FMN2: variants seen among roughly 807,000 people sequenced by gnomAD.
FMN2 encodes formin-2.
In FMN2, 51 loss-of-function variants were observed where a neutral mutation model predicts 142.3. The ratio of observed to expected loss-of-function variants is 0.36; its 90% CI spans 0.29 to 0.45. FMN2 has a LOEUF of 0.45. FMN2 is among the 20% of genes least tolerant of loss of function. The pLI, the probability that FMN2 is intolerant of heterozygous loss-of-function variation, is 1.00. For missense variants in FMN2, 1,936 were observed against 2,122.8 expected (o/e 0.91, Z 1.73); for synonymous variants, 882 against 869.8 (o/e 1.01, Z -0.25).
chr1:240,262,125 A>G (rs1668654675), intron 7 of FMN2, among the ~76,000 whole-genome samples: 1 of 151,898 alleles, frequency 6.6e-6, no homozygotes. Flanking sequence ...CATGTGCACA[A>G]CCAGTATAGT....
At position 240,332,841 on chromosome 1, in the gene FMN2, G is replaced by A. The variant is rs184061973; in HGVS notation, c.4585-1046G>A. On this transcript the variant is annotated intron_variant, in intron 11 of 17. Transcript: ENST00000319653. ...ATCACTTAGAATTTTCTCTCAGCAT[G>A]CCTAGTTTTGTTAATTGATTCAGGT... 9.3e-4 allele frequency among the ~76,000 whole-genome samples: 141 copies of A among 152,208 alleles called. 1 individual carries two copies. The highest frequency in any genetic ancestry group is 1.2e-4 in the Non-Finnish European group (8 of 68,008).
chr1:240,400,108 A>G (rs1423969059), intron 15 of FMN2, among the ~76,000 whole-genome samples: 1 of 152,204 alleles, frequency 6.6e-6, no homozygotes, highest in Non-Finnish European at 1.5e-5. Context: ...ATGGCTAAGC[A>G]ATCAGAAGTT....
chr1:240,427,534 T>C (rs1245596149), intron 15 of FMN2, among the ~76,000 whole-genome samples: 1 of 152,168 alleles, frequency 6.6e-6, no homozygotes, highest in Non-Finnish European at 1.5e-5. Flanking sequence ...TTACAGTTTG[T>C]TTTGAGCAGG....
intron 6 of FMN2, among the ~76,000 whole-genome samples, chr1:240,242,783 C>T (rs1667955067): frequency 6.6e-6 from 1 of 152,186 alleles, no homozygotes; most frequent in Non-Finnish European, 1.5e-5. Context: ...GATCCTCTGC[C>T]AAGAGGCACA....
chr1:240,349,605 C>T (rs1672024401), intron 13 of FMN2, among the ~76,000 whole-genome samples: 3 of 152,148 alleles, frequency 2.0e-5, no homozygotes, highest in Admixed American at 2.0e-4. Context: ...CACAACGTGC[C>T]ACTCTGTGGA....
chr1:240,105,764 CTGTA>C (rs1661584916), intron 1 of FMN2, among the ~76,000 whole-genome samples: 1 of 152,046 alleles, frequency 6.6e-6, no homozygotes, highest in African/African-American at 2.4e-5. Flanking sequence ...GGTATAAATA[CTGTA>C]TGATTTCCTT....
rs1159085403 is a variant in FMN2 at position 240,092,968 on chromosome 1, C to A, written c.859C>A (p.Pro287Thr). The change falls in exon 1 of 18, where the codon CCC becomes ACC. Residue 287 changes from proline (P) to threonine (T), a missense_variant. This residue lies in a region of FMN2 where 751 missense variants were observed against 791.8 expected (regional missense o/e 0.95). Coordinates refer to ENST00000319653, the MANE Select transcript of FMN2 (RefSeq NM_020066.5). ...CCTGCCCGAGAGCCTGGCCGCCGAG[C>A]CCCGGGAGCCCCAGCAACCGCCGTC... is the stretch of plus-strand genomic sequence containing the variant. ...SDLPESLAAEPREPQQPPSPG... is the reference protein window; with the variant it reads ...SDLPESLAAETREPQQPPSPG... 1.4e-6 allele frequency: 2 copies of A among 1,408,212 alleles called. No individual in the cohort carries two copies. Among genetic ancestry groups the A allele is most frequent in the Admixed American group, 3.2e-5 (1 of 31,188 alleles). The allele number at this position is 1,408,212 out of a possible 1,614,324, so 87.2% of individuals were successfully genotyped here. A position where few individuals can be genotyped will look rare whatever the true frequency, so the allele number is the denominator to read the frequency against.
At chr1:240,154,130 A>AAAAAAAAGT (rs1558324903) in intron 2 of FMN2, among the ~76,000 whole-genome samples, 6 of 75,402 alleles carry the variant, frequency 8.0e-5, no homozygotes, top group Admixed American at 1.5e-4. Flanking sequence ...AAAAAAAAAA[A>AAAAAAAAGT]AGTGTTACTA....
chr1:240,144,340 A>C (rs1013128087), intron 2 of FMN2: 1 of 1,606,378 alleles, frequency 6.2e-7, no homozygotes, highest in Non-Finnish European at 8.5e-7. Context: ...TGTAGATGTC[A>C]TCAGGCACCT....
intron 2 of FMN2, chr1:240,143,425 G>T: frequency 7.0e-7 from 1 of 1,428,200 alleles, no homozygotes; most frequent in South Asian, 1.1e-5. Context: ...CCCCAGAACA[G>T]CCACTCCCTG....
At chr1:240,102,864 A>ATT (rs112563396) in intron 1 of FMN2, among the ~76,000 whole-genome samples, 23 of 138,478 alleles carry the variant, frequency 1.7e-4, no homozygotes, top group Admixed American at 2.9e-4. Context: ...TGATCCTTTA[A>ATT]TTTTTTTTTT....
Position 240,302,106 on chromosome 1 carries a change from C to A in FMN2, c.4215+7223C>A, listed in dbSNP as rs571371369. Among the ~76,000 whole-genome samples, 72 of 151,958 alleles carry A rather than the reference C, an allele frequency of 4.7e-4. 1 individual carries two copies. In the South Asian group the frequency reaches 0.015, roughly 32 times the overall value. ...ATCATATTGTGTACTTTCACTGATT[C>A]TTTCTTTTGCTGTCTTTATTCTTTT... On this transcript the variant is annotated intron_variant, in intron 8 of 17. Transcript: ENST00000319653.
intron 6 of FMN2, among the ~76,000 whole-genome samples, chr1:240,229,539 G>A (rs1340085511): frequency 6.6e-6 from 1 of 152,178 alleles, no homozygotes; most frequent in Admixed American, 6.5e-5. Flanking sequence ...TAGTACCAAT[G>A]TACTGTTTAT....
At chr1:240,299,985 A>G (rs1310579881) in intron 8 of FMN2, among the ~76,000 whole-genome samples, 1 of 152,148 alleles carries the variant, frequency 6.6e-6, no homozygotes, top group African/African-American at 2.4e-5. Context: ...AGGCCTTCCT[A>G]CTTCCTGCAG....
At chr1:240,250,093 AT>A (rs1668226242) in intron 6 of FMN2, among the ~76,000 whole-genome samples, 1 of 152,010 alleles carries the variant, frequency 6.6e-6, no homozygotes, top group Non-Finnish European at 1.5e-5. Context: ...CTCTTGCCTG[AT>A]TTCTCTGGCT....
At chr1:240,336,183 A>C (rs1671549149) in intron 13 of FMN2, among the ~76,000 whole-genome samples, 1 of 151,992 alleles carries the variant, frequency 6.6e-6, no homozygotes, top group East Asian at 1.9e-4. Context: ...AAGAAAGAAA[A>C]AGACAAGCAG....
At chr1:240,113,011 A>T (rs1661873070) in intron 1 of FMN2, among the ~76,000 whole-genome samples, 1 of 152,236 alleles carries the variant, frequency 6.6e-6, no homozygotes, top group Non-Finnish European at 1.5e-5. Flanking sequence ...AATAAACGTA[A>T]GCAAATATGA....
chr1:240,120,189 A>G (rs1225642863), intron 1 of FMN2, among the ~76,000 whole-genome samples: 2 of 152,234 alleles, frequency 1.3e-5, no homozygotes, highest in African/African-American at 2.4e-5. Context: ...ACAAAGAGGC[A>G]TAACAACTGC....
chr1:240,133,460 C>T (rs1348978036), intron 2 of FMN2, among the ~76,000 whole-genome samples: 4 of 152,184 alleles, frequency 2.6e-5, no homozygotes, highest in Non-Finnish European at 2.9e-5. Flanking sequence ...CATGAAACAC[C>T]GCACCTGGCC....
Sources: gnomAD v4.1 joint callset for allele counts (sites outside exome capture counted in the v4.1 genomes callset) on GRCh38, gnomAD v4.1.1 for gene constraint, gnomAD v4.1.1 regional missense constraint, MANE v1.5 for transcripts, NCBI Gene and HGNC (gene_info 2026-07-23, HGNC 2026-07-21) for gene names.